The following LIG1 variants were observed in gnomAD, a reference collection of about 807,000 sequenced individuals.
LIG1 encodes the protein DNA ligase 1, also known as ligase I, DNA, ATP-dependent.
LIG1 carries 70 observed loss-of-function variants against 115.7 expected under a neutral mutation model. The ratio of observed to expected loss-of-function variants is 0.60; its 90% CI spans 0.50 to 0.74. The LOEUF is 0.74. LIG1 is among the 30% of genes least tolerant of loss of function. LIG1 has a pLI of 0.00. For missense variants in LIG1, 1,115 were observed against 1,225.6 expected (o/e 0.91, Z 1.35); for synonymous variants, 487 against 495.3 (o/e 0.98, Z 0.22).
At chr19:48,131,275 TGGA>T (rs1464185382) in intron 18 of LIG1, 104 bp from the exon 19 acceptor site, 1 of 806,714 alleles carries the variant, frequency 1.2e-6, no homozygotes, top group Non-Finnish European at 2.1e-6. Context: ...CTGGAAGCTC[TGGA>T]GGAGGAACTG....
chr19:48,124,082 T>C (rs1163031816), intron 21 of LIG1, among the ~76,000 whole-genome samples: 1 of 152,168 alleles, frequency 6.6e-6, no homozygotes, highest in Admixed American at 6.5e-5. Context: ...TTGAATTGCT[T>C]TTCTCTTTTG....
rs967995004 is a variant in LIG1 at position 48,118,094 on chromosome 19, A to G, written c.2440-313T>C. Among the ~76,000 whole-genome samples, 3 of 152,268 alleles carry G rather than the reference A, an allele frequency of 2.0e-5. No homozygotes were observed. In the East Asian group the frequency reaches 5.8e-4, roughly 29 times the overall value. On this transcript the variant is annotated intron_variant, in intron 25 of 27. Transcript: ENST00000263274. ...GCCCTGGGGGCTGAGGCAGGACATT[A>G]AAGACAAAAAGAGGCAGAGAAAGGG...
At chr19:48,169,654 C>G (rs2036667711) in intron 1 of LIG1, 1 of 167,466 alleles carries the variant, frequency 6.0e-6, no homozygotes, top group South Asian at 1.1e-4. Context: ...CCCACTCCTT[C>G]CAGGTGATGC....
At chr19:48,132,775 A>G (rs539144853) in intron 18 of LIG1, among the ~76,000 whole-genome samples, 116 of 124,548 alleles carry the variant, frequency 9.3e-4, no homozygotes, top group African/African-American at 3.4e-3. Flanking sequence ...TGGATGACAG[A>G]GTGAGACTCT....
chr19:48,156,413 C>G (rs1039949377), intron 5 of LIG1, among the ~76,000 whole-genome samples: 13 of 152,336 alleles, frequency 8.5e-5, no homozygotes, highest in Admixed American at 6.5e-4. Context: ...CGACTGAGGG[C>G]TGGGCCCAGT....
At chr19:48,136,520 C>A (rs2034402009) in intron 14 of LIG1, among the ~76,000 whole-genome samples, 1 of 152,198 alleles carries the variant, frequency 6.6e-6, no homozygotes, top group Admixed American at 6.5e-5. Flanking sequence ...AGACAAGTGG[C>A]TTAGTTTGCC....
At chr19:48,154,467 A>C in intron 5 of LIG1, 1 of 218,688 alleles carries the variant, frequency 4.6e-6, no homozygotes, top group Non-Finnish European at 9.4e-6. Context: ...GAGCATTTAC[A>C]CCGTTCCCCA....
chr19:48,159,803 C>T (rs933399291), intron 4 of LIG1, among the ~76,000 whole-genome samples: 4 of 152,248 alleles, frequency 2.6e-5, no homozygotes, highest in Admixed American at 6.5e-5. Context: ...CTGCAAGCTC[C>T]GCCTCCCGGG....
intron 6 of LIG1, among the ~76,000 whole-genome samples, chr19:48,151,767 C>G (rs567200602): frequency 6.6e-6 from 1 of 151,814 alleles, no homozygotes; most frequent in African/African-American, 2.4e-5. Flanking sequence ...AGACCCTGCT[C>G]CTTGTCAACC....
Position 48,160,531 on chromosome 19 carries a change from C to A in LIG1, c.243+841G>T, listed in dbSNP as rs192784463. Among the ~76,000 whole-genome samples, 146 of 152,132 alleles carry A rather than the reference C, an allele frequency of 9.6e-4. 1 individual carries two copies. The highest frequency in any genetic ancestry group is 3.5e-3 in the African/African-American group (146 of 41,492). Reference sequence around the variant, plus strand: ...CTGGCTTTGGCCTGTGGTGGTAATACCAGGGGGTTTGGGCAGGGAGTCACA... The same window carrying A: ...CTGGCTTTGGCCTGTGGTGGTAATAACAGGGGGTTTGGGCAGGGAGTCACA... On this transcript the variant is annotated intron_variant, in intron 4 of 27. Transcript: ENST00000263274.
chr19:48,116,980 G>A (rs1180211974), intron 26 of LIG1, among the ~76,000 whole-genome samples: 1 of 151,954 alleles, frequency 6.6e-6, no homozygotes, highest in South Asian at 2.1e-4. Context: ...CTACAGGCAC[G>A]GGTCACCATA....
Position 48,137,779 on chromosome 19 carries a change from CTG to C in LIG1, c.1088-93_1088-92del. On this transcript the variant is annotated intron_variant, in intron 12 of 27. Transcript: ENST00000263274. The surrounding 1 kb of genome is among the most constrained non-coding windows in gnomAD (Gnocchi z 4.3). ...CGCGGCCTGGATGAATTTTCTCCAGCTGTGTGTGCTTGTGGCGAGTCCCTGCA... is the reference window on the plus strand; with the variant it reads ...CGCGGCCTGGATGAATTTTCTCCAGCTGTGTGCTTGTGGCGAGTCCCTGCA... 2 of 1,488,304 alleles carry C rather than the reference CTG, an allele frequency of 1.3e-6. No homozygotes were observed. Among genetic ancestry groups the C allele is most frequent in the Non-Finnish European group, 1.8e-6 (2 of 1,094,374 alleles). The allele number at this position is 1,488,304 out of a possible 1,614,324, so 92.2% of individuals were successfully genotyped here.
Position 48,137,140 on chromosome 19 carries a change from C to T in LIG1, c.1255-56G>A, listed in dbSNP as rs1281087962. 4 of 1,392,220 alleles carry T rather than the reference C, an allele frequency of 2.9e-6. No individual in the cohort carries two copies. The highest frequency in any genetic ancestry group is 2.8e-5 in the African/African-American group (2 of 70,914). The allele number at this position is 1,392,220 out of a possible 1,614,324, so 86.2% of individuals were successfully genotyped here. A position where few individuals can be genotyped will look rare whatever the true frequency, so the allele number is the denominator to read the frequency against. On this transcript the variant is annotated intron_variant, in intron 13 of 27. Transcript: ENST00000263274. The surrounding 1 kb of genome is among the most constrained non-coding windows in gnomAD (Gnocchi z 4.3). ...CTGGTGAAGGCAGGGACCACACCTC[C>T]ACCCCACCAGCCGTGCTGCTGCCCT...
At chr19:48,168,506 C>T (rs1036621726) in intron 1 of LIG1, among the ~76,000 whole-genome samples, 7 of 152,246 alleles carry the variant, frequency 4.6e-5, no homozygotes, top group African/African-American at 7.2e-5. Context: ...GACCACCTGG[C>T]GTCTCTATCG....
Position 48,122,525 on chromosome 19 carries a change from T to A in LIG1, c.2232+409A>T, listed in dbSNP as rs2033359914. Among the ~76,000 whole-genome samples the A allele has an allele frequency of 6.6e-6, 1 of 152,194 alleles. No homozygotes were observed. The highest frequency in any genetic ancestry group is 6.5e-5 in the Admixed American group (1 of 15,282). ...CCCTCACTTTGGGAAAGACTCTTCC[T>A]GATCATCCGGGGCACTCCCAGCCCC... On this transcript the variant is annotated intron_variant, in intron 23 of 27. Transcript: ENST00000263274. The surrounding 1 kb of genome is among the most constrained non-coding windows in gnomAD (Gnocchi z 4.3).
intron 26 of LIG1, chr19:48,116,259 CG>C: frequency 2.8e-6 from 1 of 352,532 alleles, no homozygotes; most frequent in South Asian, 2.6e-5. Flanking sequence ...CTGGCTAACA[CG>C]GTGAAACCCC....
At chr19:48,132,790 CAAAAAAAAAAAAAA>C (rs71181649) in intron 18 of LIG1, among the ~76,000 whole-genome samples, 178 bp downstream of exon 18, 12 of 48,258 alleles carry the variant, frequency 2.5e-4, no homozygotes, top group South Asian at 9.6e-4. Flanking sequence ...GACTCTGTCT[CAAAAAAAAAAAAAA>C]AAAAAAAAAA....
chr19:48,136,080 C>T lies in LIG1; in HGVS notation c.1377G>A (p.Val459=), dbSNP rs1313723675. The change falls in exon 15 of 28, where the codon GTG becomes GTA. Residue 459 remains valine (V), a synonymous_variant. Transcript: ENST00000263274. ...TCACTGCCTGGGAGAGGGCAGCCAGCACCGACTGCTCTGCCAGCCCAAGGC... is the reference window on the plus strand; with the variant it reads ...TCACTGCCTGGGAGAGGGCAGCCAGTACCGACTGCTCTGCCAGCCCAAGGC... The part of the protein sequence containing the change: ...RLRLGLAEQS[V]LAALSQAVSL... The T allele has an allele frequency of 3.2e-6, 5 of 1,573,630 alleles. No individual in the cohort carries two copies. The highest frequency in any genetic ancestry group is 3.7e-5 in the Admixed American group (2 of 54,708).
At chr19:48,148,739 C>T (rs2035287031) in intron 9 of LIG1, among the ~76,000 whole-genome samples, 1 of 152,160 alleles carries the variant, frequency 6.6e-6, no homozygotes, top group Non-Finnish European at 1.5e-5. Flanking sequence ...AGCCAGTCTT[C>T]AGTGCGGCCT....
Sources: gnomAD v4.1 joint callset for allele counts (sites outside exome capture counted in the v4.1 genomes callset) on GRCh38, gnomAD v4.1.1 for gene constraint, Gnocchi (gnomAD v3.1) non-coding constraint, MANE v1.5 for transcripts, NCBI Gene and HGNC (gene_info 2026-07-23, HGNC 2026-07-21) for gene names.